RPS6KA2: variants seen among roughly 807,000 people sequenced by gnomAD.
RPS6KA2 encodes the protein ribosomal protein S6 kinase alpha-2.
In RPS6KA2, 42 loss-of-function variants were observed where a neutral mutation model predicts 91.8. The ratio of observed to expected loss-of-function variants is 0.46; its 90% CI spans 0.36 to 0.59. The LOEUF (loss-of-function observed/expected upper bound fraction) is 0.59. Ranked by LOEUF, RPS6KA2 falls within the 20% of genes least tolerant of loss-of-function variation. RPS6KA2 has a pLI of 0.00. For missense variants in RPS6KA2, 798 were observed against 978.5 expected, an observed-to-expected ratio of 0.82 and a Z score of 2.46; for synonymous variants, 414 against 393.6, an observed-to-expected ratio of 1.05 and a Z score of -0.61.
At chr6:166,511,719 C>T (rs1403642713) in intron 3 of RPS6KA2, among the ~76,000 whole-genome samples, 2 of 152,122 alleles carry the variant, frequency 1.3e-5, no homozygotes, top group Non-Finnish European at 2.9e-5. Flanking sequence ...ATATTTAGGA[C>T]TTGTGATACA....
chr6:166,532,313 C>T (rs972995829), intron 2 of RPS6KA2, among the ~76,000 whole-genome samples: 14 of 152,164 alleles, frequency 9.2e-5, no homozygotes, highest in Non-Finnish European at 1.6e-4. Context: ...ACTCTTGGCT[C>T]CCCCCCAAGA....
rs1039501462 is a variant in RPS6KA2, at chr6:166,411,999, C to T, written c.*763G>A. On this transcript the variant is annotated 3_prime_UTR_variant, in exon 21 of 21. Coordinates refer to ENST00000265678, the MANE Select transcript of RPS6KA2 (RefSeq NM_021135.6). The surrounding 1 kb of genome is among the most constrained non-coding windows in gnomAD (Gnocchi z 4.5). ...CAGACGGCAGCCCAGTGCGCTTGGC[C>T]CCCCGGGGAAAGCCGAGACTGGAGG... is the stretch of plus-strand genomic sequence containing the variant. 1 of 152,282 alleles carries T rather than the reference C, an allele frequency of 6.6e-6. No homozygotes were observed. The highest frequency in any genetic ancestry group is 1.5e-5 in the Non-Finnish European group (1 of 68,138). 9.4% of individuals were successfully genotyped at this position (152,282 alleles called of 1,614,324 possible). A position where few individuals can be genotyped will look rare whatever the true frequency, so the allele number is the denominator to read the frequency against.
intron 2 of RPS6KA2, among the ~76,000 whole-genome samples, chr6:166,725,473 C>A (rs1287588499): frequency 1.3e-5 from 2 of 152,372 alleles, no homozygotes; most frequent in African/African-American, 4.8e-5. Context: ...AGCCTCCTAG[C>A]CCAGCCCAGC....
chr6:166,423,481 G>T lies in RPS6KA2; in HGVS notation c.1582-64C>A, dbSNP rs1430323761. ...GGACTGAGCAGGAGAGGGAGGGCAG[G>T]TGCATTTGGAGGGGAGGGTGCATTT... On this transcript the variant is annotated intron_variant, in intron 16 of 20. Coordinates refer to ENST00000265678, the MANE Select transcript of RPS6KA2 (RefSeq NM_021135.6). The surrounding 1 kb of genome is among the most constrained non-coding windows in gnomAD (Gnocchi z 4.8). The T allele has an allele frequency of 1.3e-6, 2 of 1,509,160 alleles. No homozygotes were observed. Among genetic ancestry groups the T allele is most frequent in the African/African-American group, 1.4e-5 (1 of 72,234 alleles). 93.5% of individuals were successfully genotyped at this position (1,509,160 alleles called of 1,614,324 possible).
chr6:166,504,741 G>A, intron 5 of RPS6KA2, 129 bp from the exon 6 acceptor site: 1 of 616,818 alleles, frequency 1.6e-6, no homozygotes, highest in Non-Finnish European at 2.8e-6. Flanking sequence ...GGAACGCTAT[G>A]GCCCCCCAGA....
chr6:166,432,811 A>G (rs1228004781), intron 14 of RPS6KA2, among the ~76,000 whole-genome samples: 1 of 152,144 alleles, frequency 6.6e-6, no homozygotes, highest in East Asian at 1.9e-4. Flanking sequence ...CTTGGCTAAC[A>G]TGACAAAACC....
intron 1 of RPS6KA2, among the ~76,000 whole-genome samples, chr6:166,609,921 A>G (rs558638380): frequency 6.6e-6 from 1 of 152,272 alleles, no homozygotes; most frequent in Admixed American, 6.5e-5. Context: ...ATCTCCCTAC[A>G]CTTATTTGAA....
intron 2 of RPS6KA2, among the ~76,000 whole-genome samples, chr6:166,829,589 C>CAAAAAAA (rs57711560): frequency 4.1e-5 from 4 of 96,936 alleles, no homozygotes; most frequent in African/African-American, 1.9e-4. Flanking sequence ...GACTCTGTCT[C>CAAAAAAA]AAAAAAAAAA....
At chr6:166,713,487 T>C (rs1375187422) in intron 2 of RPS6KA2, among the ~76,000 whole-genome samples, 1 of 152,188 alleles carries the variant, frequency 6.6e-6, no homozygotes, top group African/African-American at 2.4e-5. Context: ...GCTACTGATT[T>C]TTTCTCTGTT....
At position 166,586,113 on chromosome 6, in the gene RPS6KA2, C is replaced by T. The variant is rs1785160517; in HGVS notation, c.99+40808G>A. On this transcript the variant is annotated intron_variant, in intron 1 of 20. Coordinates refer to ENST00000265678, the MANE Select transcript of RPS6KA2 (RefSeq NM_021135.6). ...AAATGCTTTTACTAAAAGCTGCCAA[C>T]ATTTCTATCAGTAGTAACCGTAAGG... 40 of 1,408,844 alleles carry T rather than the reference C, an allele frequency of 2.8e-5. No homozygotes were observed. In the South Asian group the frequency reaches 4.5e-4, roughly 16 times the overall value. The allele number at this position is 1,408,844 out of a possible 1,614,324, so 87.3% of individuals were successfully genotyped here.
intron 1 of RPS6KA2, among the ~76,000 whole-genome samples, chr6:166,625,211 T>C (rs930189142): frequency 6.6e-6 from 1 of 152,172 alleles, no homozygotes; most frequent in Admixed American, 6.5e-5. Flanking sequence ...CTACTTGCTC[T>C]TAGACTACAT....
Position 166,701,995 on chromosome 6 carries a change from G to C in RPS6KA2, c.123+156205C>G, listed in dbSNP as rs1583032721. The C allele has an allele frequency of 9.0e-6, 9 of 1,004,720 alleles. No homozygotes were observed. The East Asian group carries it at 2.1e-4, about 24-fold the overall frequency. The allele number at this position is 1,004,720 out of a possible 1,614,324, so 62.2% of individuals were successfully genotyped here. The stretch of plus-strand genomic sequence containing the variant: ...AGTTATTTTGAGCTAAAATCTTCAA[G>C]GGGATCTCTTCTGTGAATTTTACAT... On this transcript the variant is annotated intron_variant, in intron 2 of 21. Transcript: ENST00000503859.
chr6:166,834,150 CCAA>C (rs1483909908), intron 2 of RPS6KA2, among the ~76,000 whole-genome samples: 1 of 152,214 alleles, frequency 6.6e-6, no homozygotes, highest in Non-Finnish European at 1.5e-5. Flanking sequence ...TGCATTCCCA[CCAA>C]CAACGGAAGA....
At chr6:166,499,557 G>A (rs1373353840) in intron 7 of RPS6KA2, among the ~76,000 whole-genome samples, 1 of 152,202 alleles carries the variant, frequency 6.6e-6, no homozygotes, top group African/African-American at 2.4e-5. Context: ...TAAGACTCAC[G>A]AGATCTGATG....
intron 2 of RPS6KA2, among the ~76,000 whole-genome samples, chr6:166,831,807 T>C (rs1437730860): frequency 1.3e-5 from 2 of 150,650 alleles, no homozygotes; most frequent in Admixed American, 6.6e-5. Flanking sequence ...AGATGATAGA[T>C]AGATAGATGA....
chr6:166,693,274 G>C (rs1460615574), intron 2 of RPS6KA2, among the ~76,000 whole-genome samples: 1 of 152,198 alleles, frequency 6.6e-6, no homozygotes, highest in East Asian at 1.9e-4. Context: ...GATGTTCTGG[G>C]ACCTTCTCCA....
chr6:166,471,818 C>T (rs897376989), intron 10 of RPS6KA2, among the ~76,000 whole-genome samples: 3 of 151,914 alleles, frequency 2.0e-5, no homozygotes, highest in African/African-American at 4.8e-5. Context: ...GTGTCTTTCC[C>T]GAGGACTCCC....
chr6:166,445,483 G>C lies in RPS6KA2; in HGVS notation c.1332+3241C>G, dbSNP rs1467199786. ...TCCTGTGCACACAGGATGCTAACCA[G>C]CTTCCCTGACCCGTATTCACCAATG... On this transcript the variant is annotated intron_variant, in intron 14 of 20. Transcript: ENST00000265678. The surrounding 1 kb of genome is among the most constrained non-coding windows in gnomAD (Gnocchi z 4.5). Among the ~76,000 whole-genome samples, 1 of 152,194 alleles carries C rather than the reference G, an allele frequency of 6.6e-6. No individual in the cohort carries two copies. The highest frequency in any genetic ancestry group is 1.5e-5 in the Non-Finnish European group (1 of 68,040).
intron 3 of RPS6KA2, among the ~76,000 whole-genome samples, chr6:166,512,070 A>G (rs572761257): frequency 6.6e-6 from 1 of 152,326 alleles, no homozygotes; most frequent in Non-Finnish European, 1.5e-5. Flanking sequence ...GATGAACAAA[A>G]TGTGATGCTG....
Sources: allele counts gnomAD v4.1 joint callset (sites outside exome capture counted in the v4.1 genomes callset), GRCh38; gene constraint gnomAD v4.1.1; non-coding constraint Gnocchi (gnomAD v3.1); transcripts MANE v1.5; gene names NCBI Gene and HGNC (gene_info 2026-07-23, HGNC 2026-07-21).